The following CNBD1 variants were observed in gnomAD, a reference collection of about 807,000 sequenced individuals.
CNBD1 encodes the protein cyclic nucleotide binding domain containing 1.
Under a neutral mutation model 54.4 loss-of-function variants are expected in CNBD1, and 71 were observed. That is an observed-to-expected ratio of 1.30 (90% CI 1.08 to 1.59). The LOEUF (loss-of-function observed/expected upper bound fraction) is 1.59, where lower values mean the gene tolerates loss of function less well. Among genes scored for constraint, CNBD1 ranks in the 40% most tolerant of loss-of-function variants. The pLI is 0.00. For missense variants in CNBD1, 659 were observed against 518.0 expected, an observed-to-expected ratio of 1.27 and a Z score of -2.64; for synonymous variants, 182 against 170.7, an observed-to-expected ratio of 1.07 and a Z score of -0.51.
chr8:86,913,372 C>T (rs147713431), intron 3 of CNBD1, among the ~76,000 whole-genome samples: 30 of 149,918 alleles, frequency 2.0e-4, no homozygotes, highest in African/African-American at 6.0e-4. Context: ...TGCTTAGATA[C>T]GTAAATACTT....
At chr8:86,968,755 A>G (rs955051170) in intron 4 of CNBD1, among the ~76,000 whole-genome samples, 1 of 152,204 alleles carries the variant, frequency 6.6e-6, no homozygotes, top group Non-Finnish European at 1.5e-5. Flanking sequence ...GGAAATAGTT[A>G]CTCATAACTT....
chr8:87,150,045 C>T lies in CNBD1; in HGVS notation c.432-55948C>T, dbSNP rs181099590. Among the ~76,000 whole-genome samples, 585 of 152,004 alleles carry T rather than the reference C, an allele frequency of 3.8e-3. 4 individuals are homozygous for T. Among genetic ancestry groups the T allele is most frequent in the Non-Finnish European group, 4.6e-3 (310 of 67,964 alleles). The stretch of plus-strand genomic sequence containing the variant: ...ATAAAAACTTAGCCTGGCGTGGTGG[C>T]GGGCACCTGTAGTCCCAGCTACTGG... On this transcript the variant is annotated intron_variant, in intron 4 of 10. Transcript: ENST00000518476.
At chr8:87,156,723 T>A (rs1812751146) in intron 4 of CNBD1, among the ~76,000 whole-genome samples, 1 of 152,092 alleles carries the variant, frequency 6.6e-6, no homozygotes, top group South Asian at 2.1e-4. Flanking sequence ...AAGCCTGCTA[T>A]GGGATTAAAG....
At chr8:87,231,729 G>A (rs919289504) in intron 5 of CNBD1, among the ~76,000 whole-genome samples, 5 of 152,048 alleles carry the variant, frequency 3.3e-5, no homozygotes. Context: ...ACACTTCAGA[G>A]TGTATCTAGG....
chr8:87,144,957 T>A (rs552343062), intron 4 of CNBD1, among the ~76,000 whole-genome samples: 1 of 150,848 alleles, frequency 6.6e-6, no homozygotes, highest in East Asian at 1.9e-4. Context: ...TATAAAAGAG[T>A]GGTTAAGAAA....
At position 86,874,438 on chromosome 8, in the gene CNBD1, CCCA is replaced by C. The variant is rs1808485975; in HGVS notation, c.88+7857_88+7859del. On this transcript the variant is annotated intron_variant, in intron 1 of 10. Transcript: ENST00000518476. The stretch of plus-strand genomic sequence containing the variant: ...CAGGGGCCATATGATCTCAGTTTGC[CCCA>C]CTCTTGATGATATTCACTTTAATAA... 2.0e-5 allele frequency among the ~76,000 whole-genome samples: 3 copies of C among 152,154 alleles called. No homozygotes were observed. The South Asian group carries it at 6.2e-4, about 32-fold the overall frequency.
At chr8:87,413,281 G>C (rs1807779141) in intron 2 of CNBD1, among the ~76,000 whole-genome samples, 1 of 151,924 alleles carries the variant, frequency 6.6e-6, no homozygotes. Context: ...AGTGAGTTTT[G>C]GGGTCCCAAG....
At chr8:86,995,284 C>A (rs777465438) in intron 4 of CNBD1, among the ~76,000 whole-genome samples, 6 of 152,168 alleles carry the variant, frequency 3.9e-5, no homozygotes, top group Non-Finnish European at 8.8e-5. Context: ...GAACCAGGGG[C>A]AGGCATGCTT....
intron 4 of CNBD1, among the ~76,000 whole-genome samples, chr8:86,959,569 A>T (rs866269457): frequency 6.6e-6 from 1 of 151,844 alleles, no homozygotes; most frequent in Non-Finnish European, 1.5e-5. Flanking sequence ...CTTTTCTCTA[A>T]AGTTCCCTTC....
At chr8:86,991,986 G>A (rs894065230) in intron 4 of CNBD1, among the ~76,000 whole-genome samples, 10 of 152,104 alleles carry the variant, frequency 6.6e-5, no homozygotes, top group African/African-American at 2.4e-4. Flanking sequence ...TGTATATTAT[G>A]TGATTGTTGC....
At chr8:87,359,567 C>G (rs1291678824) in intron 10 of CNBD1, among the ~76,000 whole-genome samples, 1 of 151,970 alleles carries the variant, frequency 6.6e-6, no homozygotes, top group Non-Finnish European at 1.5e-5. Context: ...GTTAATTTTG[C>G]TGAAATAATT....
chr8:87,274,421 C>T (rs1334689837), intron 6 of CNBD1, among the ~76,000 whole-genome samples: 1 of 145,816 alleles, frequency 6.9e-6, no homozygotes, highest in Non-Finnish European at 1.5e-5. Context: ...TCCACATCCT[C>T]TCCAGCACCT....
intron 3 of CNBD1, among the ~76,000 whole-genome samples, chr8:86,917,303 G>C (rs1280795422): frequency 6.6e-6 from 1 of 152,116 alleles, no homozygotes; most frequent in Non-Finnish European, 1.5e-5. Context: ...GGAGTCCTTG[G>C]CTTCAGGCTA....
chr8:87,188,649 T>C (rs1242633881), intron 4 of CNBD1, among the ~76,000 whole-genome samples: 1 of 150,740 alleles, frequency 6.6e-6, no homozygotes, highest in Non-Finnish European at 1.5e-5. Flanking sequence ...TCACCTGAAC[T>C]AGGGAGGTGG....
At chr8:87,081,191 ATATGT>A (rs1266097210) in intron 4 of CNBD1, among the ~76,000 whole-genome samples, 1 of 151,600 alleles carries the variant, frequency 6.6e-6, no homozygotes, top group Non-Finnish European at 1.5e-5. Context: ...ATTGTTTTTG[ATATGT>A]TGTGTTATCA....
intron 4 of CNBD1, among the ~76,000 whole-genome samples, chr8:86,986,798 C>T (rs1808618746): frequency 6.6e-6 from 1 of 152,054 alleles, no homozygotes; most frequent in South Asian, 2.1e-4. Context: ...TTTTTGTCCA[C>T]TCTGTTGAAG....
chr8:87,411,389 A>G (rs531821449), intron 2 of CNBD1, among the ~76,000 whole-genome samples: 131 of 63,068 alleles, frequency 2.1e-3, no homozygotes, highest in African/African-American at 9.8e-3. Flanking sequence ...GGATTAACCT[A>G]GCTATATCAT....
chr8:87,277,567 T>C (rs1334056401), intron 6 of CNBD1, among the ~76,000 whole-genome samples: 3 of 151,748 alleles, frequency 2.0e-5, no homozygotes. Context: ...GCCAGTCTCA[T>C]GTATTTTATA....
intron 8 of CNBD1, among the ~76,000 whole-genome samples, chr8:87,299,910 C>T (rs1390198500): frequency 6.6e-6 from 1 of 152,152 alleles, no homozygotes; most frequent in Non-Finnish European, 1.5e-5. Flanking sequence ...CTGTTCTTTT[C>T]TCCTTCCACA....
Sources: gnomAD v4.1 joint callset for allele counts (sites outside exome capture counted in the v4.1 genomes callset) on GRCh38, gnomAD v4.1.1 for gene constraint, MANE v1.5 for transcripts, NCBI Gene and HGNC (gene_info 2026-07-23, HGNC 2026-07-21) for gene names.